PDS5B: variants seen among roughly 807,000 people sequenced by gnomAD.
The protein encoded by PDS5B is sister chromatid cohesion protein PDS5 homolog B.
A neutral mutation model predicts 184.1 loss-of-function variants in PDS5B; 51 were observed. The ratio of observed to expected loss-of-function variants is 0.28; its 90% confidence interval spans 0.22 to 0.35. The LOEUF (loss-of-function observed/expected upper bound fraction) is 0.35. Among genes scored for constraint, PDS5B ranks in the 10% least tolerant of loss-of-function variants. The probability of loss-of-function intolerance (pLI) is 1.00; values close to 1 mark genes in which losing one functional copy is unlikely to be tolerated. For synonymous variants in PDS5B, 566 were observed against 569.2 expected (o/e 0.99, Z 0.08); for missense variants, 1,180 against 1,723.3 (o/e 0.68, Z 5.58).
At chr13:32,705,682 T>C (rs1445525443) in intron 17 of PDS5B, among the ~76,000 whole-genome samples, 1 of 152,124 alleles carries the variant, frequency 6.6e-6, no homozygotes, top group African/African-American at 2.4e-5. Context: ...ATTACAAATG[T>C]TTATTTATAT....
intron 6 of PDS5B, among the ~76,000 whole-genome samples, chr13:32,664,950 A>G (rs1040391871): frequency 2.0e-5 from 3 of 152,238 alleles, no homozygotes; most frequent in African/African-American, 7.2e-5. Flanking sequence ...CAAATGACCA[A>G]TAATAGCCAA....
intron 19 of PDS5B, among the ~76,000 whole-genome samples, chr13:32,719,092 GTAT>G (rs942023802): frequency 1.3e-5 from 2 of 152,156 alleles, no homozygotes; most frequent in African/African-American, 2.4e-5. Context: ...CTAGTAACCA[GTAT>G]ATTTTTATAA....
intron 9 of PDS5B, among the ~76,000 whole-genome samples, chr13:32,678,303 C>T (rs558524074): frequency 6.6e-6 from 1 of 151,908 alleles, no homozygotes; most frequent in Non-Finnish European, 1.5e-5. Flanking sequence ...GTGGCCTTGC[C>T]GTTAGTGGCA....
Position 32,777,553 on chromosome 13 carries a change from A to T in PDS5B, c.*2501A>T, listed in dbSNP as rs1351489829. 6.6e-6 allele frequency: 1 copy of T among 152,216 alleles called. No individual in the cohort carries two copies. Among genetic ancestry groups the T allele is most frequent in the African/African-American group, 2.4e-5 (1 of 41,426 alleles). The allele number at this position is 152,216 out of a possible 1,614,324, so 9.4% of individuals were successfully genotyped here. On this transcript the variant is annotated 3_prime_UTR_variant, in exon 35 of 35. Transcript: ENST00000315596. ...ATTGTTAGCAAACTATTTCAGTGAT[A>T]ATGTTCATTTTGAAAATATGTACTG...
At chr13:32,682,014 A>G (rs1566321568) in intron 10 of PDS5B, among the ~76,000 whole-genome samples, 1 of 152,216 alleles carries the variant, frequency 6.6e-6, no homozygotes, top group Non-Finnish European at 1.5e-5. Flanking sequence ...ATACAGAGAT[A>G]ACATGCCTCC....
intron 13 of PDS5B, among the ~76,000 whole-genome samples, chr13:32,692,027 T>G (rs1951564792): frequency 6.6e-6 from 1 of 152,094 alleles, no homozygotes; most frequent in South Asian, 2.1e-4. Context: ...GCATTTAAAT[T>G]ACATTCTAGT....
Position 32,646,369 on chromosome 13 carries a change from G to GTTTTTT in PDS5B, c.-19-2367_-19-2362dup, listed in dbSNP as rs58539534. On this transcript the variant is annotated intron_variant, in intron 1 of 34. Transcript: ENST00000315596. The stretch of plus-strand genomic sequence containing the variant: ...CAATGATTTATTCTCTCATGGCTGT[G>GTTTTTT]TTTTTTTTTTTTTTTTTTTTTTTGC... 2.3e-3 allele frequency among the ~76,000 whole-genome samples: 249 copies of GTTTTTT among 105,994 alleles called. 7 individuals are homozygous for GTTTTTT. The highest frequency in any genetic ancestry group is 8.2e-3 in the African/African-American group (210 of 25,512). 69.5% of individuals were successfully genotyped at this position (105,994 alleles called of 152,430 possible).
chr13:32,609,379 T>C (rs550150178), intron 1 of PDS5B, among the ~76,000 whole-genome samples: 1 of 152,282 alleles, frequency 6.6e-6, no homozygotes, highest in East Asian at 1.9e-4. Flanking sequence ...GGAAAATACT[T>C]ATTAGAGTTC....
intron 19 of PDS5B, among the ~76,000 whole-genome samples, chr13:32,731,462 T>G (rs1953119701): frequency 6.6e-6 from 1 of 152,110 alleles, no homozygotes; most frequent in South Asian, 2.1e-4. Context: ...AAAATTGTAA[T>G]TCTCTTATAC....
At chr13:32,702,719 T>C (rs1004450395) in intron 17 of PDS5B, among the ~76,000 whole-genome samples, 1 of 152,174 alleles carries the variant, frequency 6.6e-6, no homozygotes, top group Non-Finnish European at 1.5e-5. Context: ...ATGATTGCCA[T>C]CTATTTATAG....
chr13:32,684,137 G>T, intron 11 of PDS5B, 114 bp downstream of exon 11: 1 of 431,386 alleles, frequency 2.3e-6, no homozygotes, highest in Non-Finnish European at 4.0e-6. Context: ...CTTTTTTAGG[G>T]GTATGGAGGC....
intron 19 of PDS5B, among the ~76,000 whole-genome samples, chr13:32,728,147 ATTTTTATATCTT>A (rs1049916253): frequency 1.5e-3 from 224 of 150,854 alleles, no homozygotes; most frequent in African/African-American, 4.8e-3. Flanking sequence ...CTTTTTTTAT[ATTTTTATATCTT>A]TTTTTATATT....
At chr13:32,734,707 T>C (rs560621113) in intron 20 of PDS5B, among the ~76,000 whole-genome samples, 4 of 152,300 alleles carry the variant, frequency 2.6e-5, no homozygotes, top group African/African-American at 9.6e-5. Flanking sequence ...CCTCAGTGCA[T>C]ATGTGGCATA....
intron 1 of PDS5B, among the ~76,000 whole-genome samples, chr13:32,608,555 T>A (rs954069269): frequency 6.6e-6 from 1 of 152,100 alleles, no homozygotes; most frequent in Admixed American, 6.5e-5. Flanking sequence ...GGGCTGGCAG[T>A]TGGGAAGGGA....
chr13:32,682,200 AAT>A, intron 10 of PDS5B, among the ~76,000 whole-genome samples: 1 of 152,130 alleles, frequency 6.6e-6, no homozygotes, highest in Non-Finnish European at 1.5e-5. Context: ...AAAAAAGTGT[AAT>A]TAGCTTAAAA....
intron 1 of PDS5B, among the ~76,000 whole-genome samples, chr13:32,615,649 T>A (rs2058207550): frequency 6.6e-6 from 1 of 152,066 alleles, no homozygotes; most frequent in Admixed American, 6.5e-5. Flanking sequence ...TAATGAAGAG[T>A]GTGTGAATTT....
chr13:32,691,334 C>T (rs951831753), intron 13 of PDS5B: 2 of 151,876 alleles, frequency 1.3e-5, no homozygotes, highest in African/African-American at 4.8e-5. Flanking sequence ...ATAGCTGTAC[C>T]TCATTCATTT....
intron 19 of PDS5B, among the ~76,000 whole-genome samples, chr13:32,719,317 T>A (rs1036660372): frequency 6.6e-6 from 1 of 152,024 alleles, no homozygotes; most frequent in Non-Finnish European, 1.5e-5. Flanking sequence ...CAAGTTGTTG[T>A]GTCTACAGGC....
intron 31 of PDS5B, among the ~76,000 whole-genome samples, chr13:32,765,767 C>T (rs1430955973): frequency 6.6e-6 from 1 of 152,154 alleles, no homozygotes; most frequent in African/African-American, 2.4e-5. Context: ...GCATGCGTAG[C>T]CAATTTTTGT....
Sources: gnomAD v4.1 joint callset for allele counts (sites outside exome capture counted in the v4.1 genomes callset) on GRCh38, gnomAD v4.1.1 for gene constraint, MANE v1.5 for transcripts, NCBI Gene and HGNC (gene_info 2026-07-23, HGNC 2026-07-21) for gene names.